TSNARE1: variants seen among roughly 807,000 people sequenced by gnomAD.
The protein encoded by TSNARE1 is t-SNARE domain-containing protein 1.
A neutral mutation model predicts 62.0 loss-of-function variants in TSNARE1; 49 were observed. The observed-to-expected ratio is 0.79, with a 90% CI of 0.63 to 1.00. The LOEUF (loss-of-function observed/expected upper bound fraction) is 1.00. Ranked by LOEUF, TSNARE1 falls within the 50% of genes least tolerant of loss-of-function variation. TSNARE1 has a pLI of 0.00. For missense variants in TSNARE1, 755 were observed against 700.1 expected (o/e 1.08, Z -0.88); for synonymous variants, 328 against 294.4 (o/e 1.11, Z -1.17).
At chr8:142,375,006 G>C (rs371607159) in intron 1 of TSNARE1, among the ~76,000 whole-genome samples, 102 of 152,328 alleles carry the variant, frequency 6.7e-4, no homozygotes, top group African/African-American at 2.3e-3. Context: ...GAGGAGACAG[G>C]CTTGCTGGAA....
intron 2 of TSNARE1, among the ~76,000 whole-genome samples, chr8:142,351,787 A>C (rs761295321): frequency 7.9e-5 from 12 of 152,176 alleles, no homozygotes; most frequent in Non-Finnish European, 1.6e-4. Flanking sequence ...TGAAAACTTT[A>C]TCACAGAGCT....
intron 12 of TSNARE1, 183 bp downstream of exon 12, chr8:142,274,598 G>A (rs933833889): frequency 9.1e-5 from 90 of 985,258 alleles, no homozygotes; most frequent in African/African-American, 2.8e-4. Flanking sequence ...CACTGCTGCC[G>A]CAACCCCGCC....
chr8:142,266,430 C>G (rs1249671340), intron 12 of TSNARE1, among the ~76,000 whole-genome samples: 1 of 152,156 alleles, frequency 6.6e-6, no homozygotes, highest in Non-Finnish European at 1.5e-5. Context: ...GGTAAGCCCT[C>G]GCAGTTTTTA....
chr8:142,354,809 G>T, intron 1 of TSNARE1, 46 bp from the exon 2 acceptor site: 1 of 1,170,356 alleles, frequency 8.5e-7, no homozygotes, highest in Non-Finnish European at 1.3e-6. Context: ...AAGACATGGG[G>T]ATTAAAGCTC....
intron 11 of TSNARE1, chr8:142,276,933 G>C: frequency 1.0e-6 from 1 of 985,446 alleles, no homozygotes; most frequent in Non-Finnish European, 1.2e-6. Context: ...CTGCCAGGTG[G>C]GCACGCCATG....
rs147965860 is a variant in TSNARE1 at position 142,365,379 on chromosome 8, C to T, written c.-39-10616G>A. The stretch of plus-strand genomic sequence containing the variant: ...ACACAGGATCTGGGATTTCATGTTA[C>T]TAAAAAGGACGTTTTGCTAAAAAGA... On this transcript the variant is annotated intron_variant, in intron 1 of 13. Transcript: ENST00000524325. Among the ~76,000 whole-genome samples, 310 of 152,316 alleles carry T rather than the reference C, an allele frequency of 2.0e-3. 3 individuals carry two copies. The highest frequency in any genetic ancestry group is 0.017 in the South Asian group (84 of 4,830).
intron 13 of TSNARE1, among the ~76,000 whole-genome samples, chr8:142,216,586 C>G (rs1019986505): frequency 1.3e-5 from 2 of 152,196 alleles, no homozygotes; most frequent in Non-Finnish European, 2.9e-5. Context: ...CCACCCCACC[C>G]CTCCCCGCAC....
At chr8:142,366,272 AT>A (rs1419893039) in intron 1 of TSNARE1, among the ~76,000 whole-genome samples, 1 of 152,094 alleles carries the variant, frequency 6.6e-6, no homozygotes, top group African/African-American at 2.4e-5. Context: ...TCCTGACCTC[AT>A]GATCTGCCTG....
intron 12 of TSNARE1, among the ~76,000 whole-genome samples, chr8:142,253,266 C>T (rs898788303): frequency 6.6e-6 from 1 of 152,222 alleles, no homozygotes; most frequent in Non-Finnish European, 1.5e-5. Flanking sequence ...AGCAGGGCCG[C>T]TGGGCCACCT....
chr8:142,283,533 C>T (rs1481019587), intron 11 of TSNARE1, among the ~76,000 whole-genome samples: 2 of 128,620 alleles, frequency 1.6e-5, no homozygotes, highest in African/African-American at 6.4e-5. Context: ...TGAGCAGAGG[C>T]GGGGCCAGTG....
chr8:142,357,708 C>G (rs1176267064), intron 1 of TSNARE1, among the ~76,000 whole-genome samples: 1 of 152,184 alleles, frequency 6.6e-6, no homozygotes, highest in African/African-American at 2.4e-5. Flanking sequence ...GGGGCTGGCA[C>G]AGGCAGGCAG....
intron 1 of TSNARE1, among the ~76,000 whole-genome samples, chr8:142,363,240 A>T (rs943003789): frequency 5.9e-5 from 9 of 152,184 alleles, no homozygotes; most frequent in Non-Finnish European, 1.3e-4. Context: ...TGGTGAGGAA[A>T]GCGGGGAGCC....
intron 1 of TSNARE1, among the ~76,000 whole-genome samples, chr8:142,396,154 A>T (rs1837880323): frequency 6.6e-6 from 1 of 151,758 alleles, no homozygotes; most frequent in Admixed American, 6.6e-5. Flanking sequence ...TCACCCCTCC[A>T]ATGCCCAGCT....
intron 12 of TSNARE1, among the ~76,000 whole-genome samples, chr8:142,261,702 G>A (rs528388039): frequency 2.6e-5 from 4 of 152,104 alleles, no homozygotes; most frequent in South Asian, 2.1e-4. Flanking sequence ...CTCCTTTAAC[G>A]ATTGCGTTTT....
intron 1 of TSNARE1, among the ~76,000 whole-genome samples, chr8:142,387,839 G>A (rs10101092): frequency 1.3e-5 from 2 of 152,102 alleles, no homozygotes; most frequent in African/African-American, 4.8e-5. Flanking sequence ...TTAGAGACCA[G>A]GCAATTCAGT....
intron 11 of TSNARE1, chr8:142,276,311 C>T (rs1820480643): frequency 1.0e-6 from 1 of 985,470 alleles, no homozygotes; most frequent in Non-Finnish European, 1.2e-6. Flanking sequence ...AGGGTCACGA[C>T]CCTCTGAGCC....
At chr8:142,238,021 G>A (rs1253528525) in intron 12 of TSNARE1, among the ~76,000 whole-genome samples, 1 of 152,046 alleles carries the variant, frequency 6.6e-6, no homozygotes, top group Non-Finnish European at 1.5e-5. Context: ...TCTGACTTAG[G>A]GAGGCAGCGG....
chr8:142,400,042 A>G (rs940024138), intron 1 of TSNARE1, among the ~76,000 whole-genome samples: 1 of 151,526 alleles, frequency 6.6e-6, no homozygotes, highest in African/African-American at 2.4e-5. Flanking sequence ...CCTATCTCAA[A>G]AAAAAAAAAA....
intron 12 of TSNARE1, among the ~76,000 whole-genome samples, chr8:142,251,825 CGTTCTCT>C (rs1818182744): frequency 6.9e-6 from 1 of 145,172 alleles, no homozygotes; most frequent in Admixed American, 6.8e-5. Flanking sequence ...CCGCCACCCG[CGTTCTCT>C]ATCTGCAGGG....
Sources: allele counts gnomAD v4.1 joint callset (sites outside exome capture counted in the v4.1 genomes callset), GRCh38; gene constraint gnomAD v4.1.1; transcripts MANE v1.5; gene names NCBI Gene and HGNC (gene_info 2026-07-23, HGNC 2026-07-21).